Variants in SDK1 observed in about 807,000 individuals in gnomAD.
The protein encoded by SDK1 is sidekick cell adhesion molecule 1.
In SDK1, 157 loss-of-function variants were observed where a neutral mutation model predicts 245.5. The ratio of observed to expected loss-of-function variants is 0.64; its 90% CI spans 0.56 to 0.73. The LOEUF is 0.73. SDK1 is among the 30% of genes least tolerant of loss of function. SDK1 has a pLI of 0.00. For synonymous variants in SDK1, 1,647 were observed against 1,278.5 expected, an observed-to-expected ratio of 1.29 and a Z score of -6.15; for missense variants, 3,583 against 3,002.3, an observed-to-expected ratio of 1.19 and a Z score of -4.52.
intron 5 of SDK1, among the ~76,000 whole-genome samples, chr7:3,949,288 T>C (rs1780702525): frequency 6.6e-6 from 1 of 152,248 alleles, no homozygotes; most frequent in Admixed American, 6.5e-5. Flanking sequence ...TACTTGGCTC[T>C]GTCTGCATCA....
chr7:3,849,207 C>T (rs1443530513), intron 5 of SDK1, among the ~76,000 whole-genome samples: 1 of 152,224 alleles, frequency 6.6e-6, no homozygotes, highest in Non-Finnish European at 1.5e-5. Flanking sequence ...CTGGAATGCG[C>T]TTGTACTACA....
At position 4,024,753 on chromosome 7, in the gene SDK1, G is replaced by A. The variant is rs73298975; in HGVS notation, c.2602+7401G>A. On this transcript the variant is annotated intron_variant, in intron 17 of 44. Coordinates refer to ENST00000404826, the MANE Select transcript of SDK1 (RefSeq NM_152744.4). ...TAGCTGGACAATGCTGAGAAATGCC[G>A]GAGCCGAAACTTAAGTCTGCTGGGC... 8.4e-3 allele frequency among the ~76,000 whole-genome samples: 1,282 copies of A among 152,336 alleles called. 16 individuals carry two copies. Among genetic ancestry groups the A allele is most frequent in the African/African-American group, 0.028 (1,171 of 41,570 alleles).
chr7:3,327,273 A>C (rs9969312), intron 1 of SDK1, among the ~76,000 whole-genome samples: 32,150 of 152,100 alleles, frequency 0.21, 3,652 homozygotes, highest in African/African-American at 0.31. Context: ...ATTTGAGGGA[A>C]GAGGCTGATG....
intron 19 of SDK1, 65 bp downstream of exon 19, chr7:4,051,895 C>T: frequency 6.9e-7 from 1 of 1,454,582 alleles, no homozygotes; most frequent in Non-Finnish European, 9.3e-7. Flanking sequence ...GCTGCAACTT[C>T]CAGAATCAGG....
intron 4 of SDK1, among the ~76,000 whole-genome samples, chr7:3,789,110 C>T (rs1780999553): frequency 6.6e-6 from 1 of 152,016 alleles, no homozygotes; most frequent in Non-Finnish European, 1.5e-5. Context: ...TAGATTGACC[C>T]TAGGGAAGGC....
chr7:3,492,089 C>T (rs1007512003), intron 1 of SDK1, among the ~76,000 whole-genome samples: 7 of 152,178 alleles, frequency 4.6e-5, no homozygotes, highest in African/African-American at 1.7e-4. Context: ...TGTTATTTGG[C>T]AGGATAAAAC....
rs973417191 is a variant in SDK1 at position 4,112,051 on chromosome 7, G to A, written c.3435-1238G>A. On this transcript the variant is annotated intron_variant, in intron 23 of 44. Transcript: ENST00000404826. The stretch of plus-strand genomic sequence containing the variant: ...TGACAAAGTTTATTCTGCCAAGGTT[G>A]AGGATGCACCCGTGACCCAGCATCA... Among the ~76,000 whole-genome samples, 160 of 152,328 alleles carry A rather than the reference G, an allele frequency of 1.1e-3. 2 individuals are homozygous for A. Among genetic ancestry groups the A allele is most frequent in the African/African-American group, 3.5e-3 (147 of 41,576 alleles).
At position 3,844,566 on chromosome 7, in the gene SDK1, C is replaced by A. The variant is rs1019580829; in HGVS notation, c.847+22983C>A. 5.9e-5 allele frequency among the ~76,000 whole-genome samples: 9 copies of A among 152,206 alleles called. No homozygotes were observed. The South Asian group carries it at 1.0e-3, about 17-fold the overall frequency. On this transcript the variant is annotated intron_variant, in intron 5 of 44. Transcript: ENST00000404826. ...TGGACAACTGCCTGTAATTTAATGT[C>A]TTTTCCAACAGGGAGCTATGAAACT...
At chr7:3,685,165 A>G (rs1784239275) in intron 4 of SDK1, among the ~76,000 whole-genome samples, 1 of 152,164 alleles carries the variant, frequency 6.6e-6, no homozygotes, top group Admixed American at 6.5e-5. Context: ...GATAAATGCA[A>G]ATAAATTTAT....
intron 1 of SDK1, among the ~76,000 whole-genome samples, chr7:3,535,925 T>G (rs1366920819): frequency 6.6e-6 from 1 of 152,200 alleles, no homozygotes. Flanking sequence ...TGTAAACATA[T>G]TCCTGAACAT....
chr7:3,898,800 T>C lies in SDK1; in HGVS notation c.848-52123T>C, dbSNP rs564097081. ...CTCGTTGGGAACGTGTTTTAATAAA[T>C]AGATGGTGATTGTTTCATTTTTAAG... On this transcript the variant is annotated intron_variant, in intron 5 of 44. Coordinates refer to ENST00000404826, the MANE Select transcript of SDK1 (RefSeq NM_152744.4). Among the ~76,000 whole-genome samples the C allele has an allele frequency of 5.8e-3, 889 of 152,334 alleles. 10 individuals are homozygous for C. Among genetic ancestry groups the C allele is most frequent in the African/African-American group, 0.021 (856 of 41,584 alleles).
In SDK1 at chr7:3,397,694, G is replaced by A. The variant is rs371311183; in HGVS notation, c.298+95810G>A. 1.4e-4 allele frequency among the ~76,000 whole-genome samples: 21 copies of A among 152,068 alleles called. No individual in the cohort carries two copies. The East Asian group carries it at 3.1e-3, about 22-fold the overall frequency. On this transcript the variant is annotated intron_variant, in intron 1 of 44. Transcript: ENST00000404826. ...GGAGTTCATTGAACTTCTTGGATAT[G>A]TAATTTAATGTTTCTCATCAAACTA... is the stretch of plus-strand genomic sequence containing the variant.
intron 9 of SDK1, among the ~76,000 whole-genome samples, chr7:3,966,680 G>A (rs974086873): frequency 6.6e-6 from 1 of 151,884 alleles, no homozygotes; most frequent in Non-Finnish European, 1.5e-5. Flanking sequence ...TCAATAATTA[G>A]CTTTTTTTTT....
intron 5 of SDK1, among the ~76,000 whole-genome samples, chr7:3,882,962 G>C (rs774465607): frequency 6.6e-6 from 1 of 152,118 alleles, no homozygotes; most frequent in Non-Finnish European, 1.5e-5. Context: ...CATTTGCCCC[G>C]TTTCCATAGA....
intron 4 of SDK1, among the ~76,000 whole-genome samples, chr7:3,803,954 C>T (rs1213470704): frequency 7.9e-5 from 12 of 151,724 alleles, no homozygotes; most frequent in South Asian, 2.1e-4. Flanking sequence ...TTAGTAGAGA[C>T]GGGGTTTCAC....
At chr7:3,523,173 A>G (rs889791093) in intron 1 of SDK1, among the ~76,000 whole-genome samples, 5 of 152,216 alleles carry the variant, frequency 3.3e-5, no homozygotes, top group Admixed American at 2.0e-4. Flanking sequence ...ATCTCATGAT[A>G]AACACTATAT....
At chr7:4,214,135 C>G (rs922655817) in intron 38 of SDK1, among the ~76,000 whole-genome samples, 2 of 152,178 alleles carry the variant, frequency 1.3e-5, no homozygotes, top group East Asian at 3.9e-4. Context: ...AAAATAATGA[C>G]GAGGGTTGGG....
chr7:3,315,006 G>A (rs1163550997), intron 1 of SDK1, among the ~76,000 whole-genome samples: 2 of 152,018 alleles, frequency 1.3e-5, no homozygotes, highest in Non-Finnish European at 2.9e-5. Flanking sequence ...TTACTTTAGG[G>A]AGCAAGCTGG....
At chr7:4,025,006 T>A (rs774282476) in intron 17 of SDK1, among the ~76,000 whole-genome samples, 97 of 127,670 alleles carry the variant, frequency 7.6e-4, no homozygotes, top group Non-Finnish European at 1.4e-3. Flanking sequence ...ATGAGAACTC[T>A]ATTTTGCATT....
Sources: gnomAD v4.1 joint callset for allele counts (sites outside exome capture counted in the v4.1 genomes callset) on GRCh38, gnomAD v4.1.1 for gene constraint, MANE v1.5 for transcripts, NCBI Gene and HGNC (gene_info 2026-07-23, HGNC 2026-07-21) for gene names.